The following INTS11 variants were observed in gnomAD, a reference collection of about 807,000 sequenced individuals.
INTS11 encodes the protein CPSF3-like protein.
INTS11 carries 77 observed loss-of-function variants against 78.6 expected under a neutral mutation model. The observed-to-expected ratio is 0.98, with a 90% CI of 0.81 to 1.18. The LOEUF is 1.18. Among genes scored for constraint, INTS11 ranks in the 50% most tolerant of loss-of-function variants. INTS11 has a pLI of 0.00. For missense variants in INTS11, 875 were observed against 825.9 expected (o/e 1.06, Z -0.73); for synonymous variants, 441 against 326.9 (o/e 1.35, Z -3.77).
Position 1,319,496 on chromosome 1 carries a change from G to C in INTS11, c.229C>G (p.Leu77Val), listed in dbSNP as rs1047845359. ...CCCACCATCTCGCTGAAGTAGGGGAGTGCCCCGCAGTGGTCCAGGTGGAAG... is the reference window on the plus strand; with the variant it reads ...CCCACCATCTCGCTGAAGTAGGGGACTGCCCCGCAGTGGTCCAGGTGGAAG... ...SHFHLDHCGALPYFSEMVGYD... is the reference protein window; with the variant it reads ...SHFHLDHCGAVPYFSEMVGYD... The change falls in exon 4 of 17, where the codon CTC becomes GTC. Residue 77 changes from leucine to valine, a missense_variant. Physicochemically the swap from Leu to Val is conservative, Grantham distance 32. Transcript: ENST00000435064. The C allele has an allele frequency of 6.3e-7, 1 of 1,592,050 alleles. No homozygotes were observed. The highest frequency in any genetic ancestry group is 1.3e-5 in the African/African-American group (1 of 74,742).
In INTS11 at chr1:1,324,592, A is replaced by G; in HGVS notation, c.17T>C (p.Val6Ala). The change falls in exon 1 of 17, where the codon GTC (valine) becomes GCC (alanine). Residue 6 changes from valine (V) to alanine (A), a missense_variant. Coordinates refer to ENST00000435064, the MANE Select transcript of INTS11 (RefSeq NM_017871.6). MPEIR[V>A]TPLGAGQDVG... is the part of the protein sequence containing the mutation. ...CGGCTCCCACTCACCCAAGGGCGTG[A>G]CTCTGATCTCAGGCATCGTCTCCGC... 8 of 1,596,022 alleles carry G rather than the reference A, an allele frequency of 5.0e-6. No homozygotes were observed. Among genetic ancestry groups the G allele is most frequent in the Non-Finnish European group, 6.8e-6 (8 of 1,173,312 alleles).
In INTS11 at chr1:1,311,901, G is replaced by A. The variant is rs372889782; in HGVS notation, c.1761C>T (p.Leu587=). 3.1e-5 allele frequency: 49 copies of A among 1,574,260 alleles called. No homozygotes were observed. Among genetic ancestry groups the A allele is most frequent in the Admixed American group, 1.1e-4 (6 of 53,108 alleles). The change falls in exon 17 of 17, where the codon CTC becomes CTT. Residue 587 remains leucine (L), a synonymous_variant. Coordinates refer to ENST00000435064, the MANE Select transcript of INTS11 (RefSeq NM_017871.6). ...GGAGGCCCTTCTTCAGCAGAGATGT[G>A]AGGAAGCTCCCCAGCTCCTCGTCCT... ...TYQDEELGSF[L]TSLLKKGLPQ... is the part of the protein sequence containing the mutation.
chr1:1,320,706 C>T (rs747288311), intron 2 of INTS11, 177 bp from the exon 3 acceptor site: 6 of 747,678 alleles, frequency 8.0e-6, no homozygotes, highest in South Asian at 1.4e-5. Flanking sequence ...CCGGAGGGGC[C>T]GAGGTTACCC....
rs765128321 is a variant in INTS11, at chr1:1,324,610, G to A, written c.-2C>T. The stretch of plus-strand genomic sequence containing the variant: ...GGGCGTGACTCTGATCTCAGGCATC[G>A]TCTCCGCCGCGCTCCCGGACCCGCG... On this transcript the variant is annotated 5_prime_UTR_variant, in exon 1 of 17. In the 5' UTR this introduces an upstream ATG that the reference lacks. Transcript: ENST00000435064. 2.5e-6 allele frequency: 4 copies of A among 1,598,906 alleles called. No individual in the cohort carries two copies. Among genetic ancestry groups the A allele is most frequent in the Non-Finnish European group, 2.6e-6 (3 of 1,174,558 alleles).
chr1:1,311,666 A>G lies in INTS11; in HGVS notation c.*193T>C, dbSNP rs750556219. ...CCTGCCCTAACCAGGAATAAAGGCA[A>G]GACAGCCTGGAGACCAGTTTGTTTC... On this transcript the variant is annotated 3_prime_UTR_variant, in exon 17 of 17. Coordinates refer to ENST00000435064, the MANE Select transcript of INTS11 (RefSeq NM_017871.6). 7.5e-5 allele frequency: 54 copies of G among 721,576 alleles called. No homozygotes were observed. In the African/African-American group the frequency reaches 8.4e-4, roughly 11 times the overall value. The allele number at this position is 721,576 out of a possible 1,614,324, so 44.7% of individuals were successfully genotyped here.
chr1:1,315,267 G>T, intron 6 of INTS11, 137 bp downstream of exon 6: 1 of 1,096,498 alleles, frequency 9.1e-7, no homozygotes, highest in Non-Finnish European at 1.4e-6. Context: ...GGCCCAGAAC[G>T]AAGGGGGCTC....
Position 1,312,477 on chromosome 1 carries a change from G to A in INTS11, c.1427C>T (p.Pro476Leu), listed in dbSNP as rs1381461810. 3.8e-6 allele frequency: 6 copies of A among 1,578,814 alleles called. No homozygotes were observed. Among genetic ancestry groups the A allele is most frequent in the South Asian group, 3.4e-5 (3 of 87,206 alleles). ...GATCAGGGTGCCGTGCAGGAGCCGA[G>A]GCTTCTTGGCCTCAGGGAGCAGCCC... ...AQGLLPEAKK[P>L]RLLHGTLIMK... The change falls in exon 14 of 17, where the codon CCT (proline) becomes CTT (leucine). Residue 476 changes from proline to leucine, a missense_variant. Coordinates refer to ENST00000435064, the MANE Select transcript of INTS11 (RefSeq NM_017871.6).
In INTS11 at chr1:1,312,228, C is replaced by A; in HGVS notation, c.1605G>T (p.Lys535Asn). The A allele has an allele frequency of 2.0e-6, 3 of 1,531,056 alleles. No homozygotes were observed. Among genetic ancestry groups the A allele is most frequent in the Non-Finnish European group, 1.8e-6 (2 of 1,132,448 alleles). 94.8% of individuals were successfully genotyped at this position (1,531,056 alleles called of 1,614,324 possible). Residue 535 changes from lysine to asparagine, a missense_variant and splice_region_variant, in exon 15 of 17, where the codon AAG (lysine) becomes AAT (asparagine). Physicochemically the swap from Lys to Asn is moderately conservative, Grantham distance 94 (BLOSUM62 0). Coordinates refer to ENST00000435064, the MANE Select transcript of INTS11 (RefSeq NM_017871.6). ...ETALRVYSHL[K>N]SVLKDHCVQH... The stretch of plus-strand genomic sequence containing the variant: ...GGGGGGCGGGGCCGGGCGCCCACCT[C>A]TTGAGGTGGCTGTAGACGCGCAATG...
At position 1,320,744 on chromosome 1, in the gene INTS11, A is replaced by C. The variant is rs1570738409; in HGVS notation, c.127-215T>G. 5 of 717,100 alleles carry C rather than the reference A, an allele frequency of 7.0e-6. No homozygotes were observed. In the East Asian group the frequency reaches 1.3e-4, roughly 19 times the overall value. 44.4% of individuals were successfully genotyped at this position (717,100 alleles called of 1,614,324 possible). ...AACCTCACTGACAGATGTGAGCTGG[A>C]AGCTGAGCCCAGGGTCTCACGGAGT... On this transcript the variant is annotated intron_variant, in intron 2 of 16. Coordinates refer to ENST00000435064, the MANE Select transcript of INTS11 (RefSeq NM_017871.6).
In INTS11 at chr1:1,320,508, A is replaced by G. The variant is rs537590378; in HGVS notation, c.148T>C (p.Tyr50His). Reference sequence around the variant, plus strand: ...GTTAGGCGGCCGTTCTGGGTGATGTAGGAGAAGTCAGGGAAGCGTCGCTAG... The same window carrying G: ...GTTAGGCGGCCGTTCTGGGTGATGTGGGAGAAGTCAGGGAAGCGTCGCTAG... Reference protein sequence around the residue: ...NDDRRFPDFSYITQNGRLTDF... With the variant: ...NDDRRFPDFSHITQNGRLTDF... Residue 50 changes from tyrosine to histidine, a missense_variant, in exon 3 of 17, where the codon TAC becomes CAC. By Grantham distance (83) the Tyr-to-His change is moderately conservative (BLOSUM62 2). Transcript: ENST00000435064. 2 of 1,613,900 alleles carry G rather than the reference A, an allele frequency of 1.2e-6. No homozygotes were observed. The highest frequency in any genetic ancestry group is 1.7e-5 in the Admixed American group (1 of 60,020).
intron 4 of INTS11, chr1:1,316,508 C>T (rs1278278997): frequency 6.6e-6 from 1 of 152,152 alleles, no homozygotes; most frequent in East Asian, 1.9e-4. Context: ...ATTACTTGAA[C>T]CCGGGAGGCG....
chr1:1,321,898 T>TACCACCCCCCAAC, intron 1 of INTS11: 1 of 1,141,992 alleles, frequency 8.8e-7, no homozygotes, highest in Non-Finnish European at 1.2e-6. Context: ...TCCCCTTGAA[T>TACCACCCCCCAAC]CCCACCCACC....
In INTS11 at chr1:1,311,925, C is replaced by T. The variant is rs779503701; in HGVS notation, c.1738-1G>A. On this transcript the variant is annotated splice_acceptor_variant, in intron 16 of 16. Coordinates refer to ENST00000435064, the MANE Select transcript of INTS11 (RefSeq NM_017871.6). LOFTEE classifies it high-confidence loss of function. ...TGAGGAAGCTCCCCAGCTCCTCGTCCTAGGGCAGAGGCAAAAGCATTGTGG... is the reference window on the plus strand; with the variant it reads ...TGAGGAAGCTCCCCAGCTCCTCGTCTTAGGGCAGAGGCAAAAGCATTGTGG... 4 of 1,581,906 alleles carry T rather than the reference C, an allele frequency of 2.5e-6. No individual in the cohort carries two copies. Among genetic ancestry groups the T allele is most frequent in the African/African-American group, 1.4e-5 (1 of 73,714 alleles).
intron 1 of INTS11, 35 bp downstream of exon 1, chr1:1,324,546 C>T: frequency 6.3e-7 from 1 of 1,583,412 alleles, no homozygotes; most frequent in Non-Finnish European, 8.6e-7. Flanking sequence ...GCATACGGAG[C>T]CCACCCCACA....
chr1:1,321,898 T>TGAC, intron 1 of INTS11: 1 of 1,141,992 alleles, frequency 8.8e-7, no homozygotes, highest in Non-Finnish European at 1.2e-6. Flanking sequence ...TCCCCTTGAA[T>TGAC]CCCACCCACC....
rs531991089 is a variant in INTS11 at position 1,312,474 on chromosome 1, C to A, written c.1430G>T (p.Arg477Leu). Residue 477 changes from arginine (R) to leucine (L), a missense_variant, in exon 14 of 17, where the codon CGG (arginine) becomes CTG (leucine). Coordinates refer to ENST00000435064, the MANE Select transcript of INTS11 (RefSeq NM_017871.6). ...CATGATCAGGGTGCCGTGCAGGAGCCGAGGCTTCTTGGCCTCAGGGAGCAG... is the reference window on the plus strand; with the variant it reads ...CATGATCAGGGTGCCGTGCAGGAGCAGAGGCTTCTTGGCCTCAGGGAGCAG... Reference protein sequence around the residue: ...QGLLPEAKKPRLLHGTLIMKD... With the variant: ...QGLLPEAKKPLLLHGTLIMKD... 1.9e-6 allele frequency: 3 copies of A among 1,577,502 alleles called. No homozygotes were observed. Among genetic ancestry groups the A allele is most frequent in the Non-Finnish European group, 2.6e-6 (3 of 1,162,206 alleles).
Position 1,314,180 on chromosome 1 carries a change from C to G in INTS11, c.767+121G>C. The G allele has an allele frequency of 5.0e-6, 5 of 1,006,678 alleles. No homozygotes were observed. In the Admixed American group the frequency reaches 8.1e-5, roughly 16 times the overall value. The allele number at this position is 1,006,678 out of a possible 1,614,324, so 62.4% of individuals were successfully genotyped here. Reference sequence around the variant, plus strand: ...GGGTCACACAGCACACGAGCGGCCCCCCAGGACAGCAGCAAGCAGGGCCAA... The same window carrying G: ...GGGTCACACAGCACACGAGCGGCCCGCCAGGACAGCAGCAAGCAGGGCCAA... On this transcript the variant is annotated intron_variant, in intron 8 of 16. Transcript: ENST00000435064. The surrounding 1 kb of genome is among the most constrained non-coding windows in gnomAD (Gnocchi z 4.2).
chr1:1,319,261 A>C (rs1227981148), intron 4 of INTS11, 35 bp downstream of exon 4: 2 of 1,538,492 alleles, frequency 1.3e-6, no homozygotes, highest in Non-Finnish European at 1.8e-6. Context: ...GGGGGTGGGC[A>C]GTGACTGTGC....
chr1:1,313,019 C>A lies in INTS11; in HGVS notation c.1131+16G>T, dbSNP rs776566550. 9.9e-6 allele frequency: 16 copies of A among 1,611,112 alleles called. No individual in the cohort carries two copies. The highest frequency in any genetic ancestry group is 3.3e-5 in the Admixed American group (2 of 59,932). The stretch of plus-strand genomic sequence containing the variant: ...GCCCCTCGGCCCTGCCAGCCCAGTG[C>A]GGGGTCGAGACTCACCACCTGCCGC... On this transcript the variant is annotated intron_variant, in intron 11 of 16. Transcript: ENST00000435064.
Sources: gnomAD v4.1 joint callset for allele counts on GRCh38, gnomAD v4.1.1 for gene constraint, Gnocchi (gnomAD v3.1) non-coding constraint, MANE v1.5 for transcripts, NCBI Gene and HGNC (gene_info 2026-07-23, HGNC 2026-07-21) for gene names.